CMIP: variants seen among roughly 807,000 people sequenced by gnomAD.
CMIP encodes the protein C-Maf-inducing protein.
In CMIP, 13 loss-of-function variants were observed where a neutral mutation model predicts 97.3. The observed-to-expected ratio is 0.13, with a 90% CI of 0.09 to 0.21. CMIP has a LOEUF of 0.21. Ranked by LOEUF, CMIP falls within the 10% of genes least tolerant of loss-of-function variation. CMIP has a pLI of 1.00. For missense variants in CMIP, 847 were observed against 1,024.9 expected, an observed-to-expected ratio of 0.83 and a Z score of 2.37; for synonymous variants, 538 against 436.3, an observed-to-expected ratio of 1.23 and a Z score of -2.91.
At chr16:81,548,737 G>A (rs1003916598) in intron 1 of CMIP, among the ~76,000 whole-genome samples, 10 of 151,806 alleles carry the variant, frequency 6.6e-5, no homozygotes, top group African/African-American at 1.9e-4. Context: ...TCTTAGCTAC[G>A]TGGGAGGCTG....
intron 1 of CMIP, 79 bp downstream of exon 1, chr16:81,445,620 G>A (rs1905782325): frequency 6.9e-7 from 1 of 1,440,612 alleles, no homozygotes; most frequent in African/African-American, 1.4e-5. Flanking sequence ...CCCTGGCGCT[G>A]CACCTGGAGC....
intron 7 of CMIP, chr16:81,666,115 G>C (rs773708168): frequency 6.6e-6 from 1 of 152,202 alleles, no homozygotes. Context: ...TAATTTGGGC[G>C]CTCATAGTTT....
intron 1 of CMIP, chr16:81,495,393 A>G: frequency 6.4e-7 from 1 of 1,551,158 alleles, no homozygotes; most frequent in Non-Finnish European, 8.7e-7. Flanking sequence ...CCGTTTGAGA[A>G]CAACAAACCA....
chr16:81,462,867 C>G (rs951782599), intron 1 of CMIP, among the ~76,000 whole-genome samples: 6 of 152,296 alleles, frequency 3.9e-5, no homozygotes, highest in Admixed American at 6.5e-5. Context: ...CTTGGGCTGC[C>G]TCACCTCCCT....
At chr16:81,667,705 T>G (rs1282699647) in intron 7 of CMIP, among the ~76,000 whole-genome samples, 3 of 134,724 alleles carry the variant, frequency 2.2e-5, no homozygotes, top group African/African-American at 8.5e-5. Context: ...AAAGCCAGAT[T>G]AAATACTTGT....
intron 1 of CMIP, among the ~76,000 whole-genome samples, chr16:81,461,877 A>T (rs1421811888): frequency 6.6e-6 from 1 of 152,194 alleles, no homozygotes; most frequent in East Asian, 1.9e-4. Context: ...ATGACATGGT[A>T]TATTTATCCA....
chr16:81,694,788 C>G (rs1285499042), intron 13 of CMIP, among the ~76,000 whole-genome samples: 1 of 152,190 alleles, frequency 6.6e-6, no homozygotes, highest in Non-Finnish European at 1.5e-5. Flanking sequence ...AAACCGAGTT[C>G]TGGAGGGATC....
At chr16:81,569,100 G>A (rs1211975970) in intron 1 of CMIP, among the ~76,000 whole-genome samples, 1 of 152,224 alleles carries the variant, frequency 6.6e-6, no homozygotes, top group Non-Finnish European at 1.5e-5. Context: ...GCACCCTTAT[G>A]AATGCTTTCC....
At chr16:81,608,989 C>T (rs928109334) in intron 2 of CMIP, among the ~76,000 whole-genome samples, 8 of 152,168 alleles carry the variant, frequency 5.3e-5, no homozygotes, top group Admixed American at 6.5e-5. Flanking sequence ...AGTCTGGGCT[C>T]CAAGGAATGC....
At chr16:81,580,279 T>A (rs937779461) in intron 1 of CMIP, among the ~76,000 whole-genome samples, 3 of 152,162 alleles carry the variant, frequency 2.0e-5, no homozygotes, top group Non-Finnish European at 4.4e-5. Context: ...GTGCCCTATG[T>A]CTCCCGGCTC....
Position 81,445,342 on chromosome 16 carries a change from A to T in CMIP, c.101A>T (p.Lys34Met), listed in dbSNP as rs767359726. The change falls in exon 1 of 21, where the codon AAG becomes ATG. Residue 34 changes from lysine to methionine, a missense_variant. Around this residue, in one of 4 missense-constraint regions of CMIP, gnomAD observed 94 missense variants for 79.9 expected, o/e 1.18. Coordinates refer to ENST00000537098, the MANE Select transcript of CMIP (RefSeq NM_198390.3). ...GACGTGTCGGCCCCCGAAGGCACGAAGATGGGCGCCGTGCCCTGCCGCCGG... is the reference window on the plus strand; with the variant it reads ...GACGTGTCGGCCCCCGAAGGCACGATGATGGGCGCCGTGCCCTGCCGCCGG... ...GGDVSAPEGT[K>M]MGAVPCRRAL... 1.9e-6 allele frequency: 3 copies of T among 1,598,746 alleles called. No homozygotes were observed. Among genetic ancestry groups the T allele is most frequent in the Non-Finnish European group, 2.6e-6 (3 of 1,173,408 alleles).
intron 1 of CMIP, among the ~76,000 whole-genome samples, chr16:81,555,010 C>A (rs769513299): frequency 4.6e-5 from 7 of 152,188 alleles, no homozygotes; most frequent in African/African-American, 1.7e-4. Context: ...TCGACACACC[C>A]CTACAGTGGG....
chr16:81,459,129 C>T (rs1906751388), intron 1 of CMIP, among the ~76,000 whole-genome samples: 1 of 152,180 alleles, frequency 6.6e-6, no homozygotes, highest in South Asian at 2.1e-4. Context: ...GGTTTGCCAC[C>T]TGTATACCTT....
At chr16:81,633,207 T>G (rs952110312) in intron 3 of CMIP, among the ~76,000 whole-genome samples, 6 of 152,262 alleles carry the variant, frequency 3.9e-5, no homozygotes, top group Non-Finnish European at 8.8e-5. Flanking sequence ...GAGCAAGATC[T>G]TTTGTTCTGC....
At chr16:81,602,419 G>A (rs996880028) in intron 1 of CMIP, among the ~76,000 whole-genome samples, 1 of 152,190 alleles carries the variant, frequency 6.6e-6, no homozygotes, top group Non-Finnish European at 1.5e-5. Context: ...TTGTCTTCAC[G>A]CATTGCCTTT....
chr16:81,642,465 T>C (rs1449783297), intron 3 of CMIP, among the ~76,000 whole-genome samples: 1 of 152,198 alleles, frequency 6.6e-6, no homozygotes, highest in Non-Finnish European at 1.5e-5. Flanking sequence ...GTGGGGTAAA[T>C]TGGGGTCCCC....
chr16:81,585,954 G>A (rs2091375121), intron 1 of CMIP, among the ~76,000 whole-genome samples: 1 of 152,214 alleles, frequency 6.6e-6, no homozygotes, highest in Non-Finnish European at 1.5e-5. Flanking sequence ...AGCTCCTGGA[G>A]CATGGTGCCC....
At chr16:81,644,216 C>G (rs905579456) in intron 3 of CMIP, among the ~76,000 whole-genome samples, 2 of 152,208 alleles carry the variant, frequency 1.3e-5, no homozygotes, top group Non-Finnish European at 2.9e-5. Flanking sequence ...CAGATGCCCT[C>G]CAGTCATGGT....
chr16:81,587,986 T>A (rs777143203), intron 1 of CMIP, among the ~76,000 whole-genome samples: 2 of 152,160 alleles, frequency 1.3e-5, no homozygotes, highest in Non-Finnish European at 2.9e-5. Context: ...GGTCAGGGAT[T>A]TCCCACTTGA....
Sources: allele counts gnomAD v4.1 joint callset (sites outside exome capture counted in the v4.1 genomes callset), GRCh38; gene constraint gnomAD v4.1.1; regional missense constraint gnomAD v4.1.1; transcripts MANE v1.5; gene names NCBI Gene and HGNC (gene_info 2026-07-23, HGNC 2026-07-21).